EIF3C: variants seen among roughly 807,000 people sequenced by gnomAD.
The protein encoded by EIF3C is eukaryotic translation initiation factor 3 subunit C.
EIF3C carries 2 observed loss-of-function variants against 11.1 expected under a neutral mutation model. That is an observed-to-expected ratio of 0.18 (90% CI 0.07 to 0.57). The LOEUF (loss-of-function observed/expected upper bound fraction) is 0.57. Ranked by LOEUF, EIF3C falls within the 20% of genes least tolerant of loss-of-function variation. The pLI is 0.92. For synonymous variants in EIF3C, 2 were observed against 41.5 expected (o/e 0.05, Z 3.66); for missense variants, 16 against 114.6 (o/e 0.14, Z 3.93).
intron 16 of EIF3C, among the ~76,000 whole-genome samples, chr16:28,733,925 CTG>C (rs998758029): frequency 4.6e-5 from 5 of 109,480 alleles, no homozygotes; most frequent in African/African-American, 1.4e-4. Flanking sequence ...GAGTCTCGCT[CTG>C]TAGCCCAGGC....
chr16:28,723,447 G>A lies in EIF3C; in HGVS notation c.937-1G>A, dbSNP rs1215740237. On this transcript the variant is annotated splice_acceptor_variant, in intron 9 of 20. Transcript: ENST00000331666. LOFTEE classifies it high-confidence loss of function. ...ACATGACGGGATATGTGCTGATACA[G>A]GAGAAGCCAAAAATGTTTGCCAAGG... The A allele has an allele frequency of 6.2e-7, 1 of 1,611,370 alleles. No individual in the cohort carries two copies. Among genetic ancestry groups the A allele is most frequent in the Non-Finnish European group, 8.5e-7 (1 of 1,178,216 alleles).
intron 13 of EIF3C, among the ~76,000 whole-genome samples, chr16:28,725,765 C>CGG (rs1555491085): frequency 0.25 from 5,190 of 20,866 alleles, 21 homozygotes; most frequent in Non-Finnish European, 0.31. Flanking sequence ...GACTCCATCT[C>CGG]AAAAAAAAAA....
rs2048353641 is a variant in EIF3C, at chr16:28,723,145, C to G, written c.777-19C>G. The G allele has an allele frequency of 6.2e-7, 1 of 1,612,180 alleles. No individual in the cohort carries two copies. The highest frequency in any genetic ancestry group is 1.3e-5 in the African/African-American group (1 of 74,408). ...TGGGGAGGGGCTGATCTGTCATCTTCTCCCATGTCTGTCGGCAGGGCACCC... is the reference window on the plus strand; with the variant it reads ...TGGGGAGGGGCTGATCTGTCATCTTGTCCCATGTCTGTCGGCAGGGCACCC... On this transcript the variant is annotated intron_variant, in intron 8 of 20. Transcript: ENST00000331666.
chr16:28,712,757 C>G (rs377247126), intron 2 of EIF3C, among the ~76,000 whole-genome samples: 991 of 150,240 alleles, frequency 6.6e-3, no homozygotes, highest in Non-Finnish European at 0.012. Context: ...CCGGTAATCC[C>G]AGCACTTTGG....
At chr16:28,728,473 GGT>G (rs2048404270) in intron 15 of EIF3C, among the ~76,000 whole-genome samples, 3 of 74,768 alleles carry the variant, frequency 4.0e-5, no homozygotes, top group Non-Finnish European at 9.7e-5. Flanking sequence ...ATCTTTTAGG[GGT>G]TGTGTGTGTA....
In EIF3C at chr16:28,697,901, G is replaced by A. The variant is rs1283849237; in HGVS notation, c.-31+9073G>A. 6.4e-5 allele frequency among the ~76,000 whole-genome samples: 6 copies of A among 93,202 alleles called. No homozygotes were observed. The South Asian group carries it at 2.9e-3, about 46-fold the overall frequency. The allele number at this position is 93,202 out of a possible 152,430, so 61.1% of individuals were successfully genotyped here. ...CCCCAACCTCCCTCCCGGACGGGGC[G>A]GCTGGCCGGGCAGAGGGGCTCCTCA... On this transcript the variant is annotated intron_variant, in intron 1 of 20. Coordinates refer to the EIF3C transcript ENST00000566501.
chr16:28,698,605 T>G (rs1480566332), intron 1 of EIF3C, among the ~76,000 whole-genome samples: 8 of 88,996 alleles, frequency 9.0e-5, no homozygotes, highest in South Asian at 6.7e-4. Context: ...ATGGGGTGGC[T>G]GCCGGGCGGA....
chr16:28,697,900 C>T (rs1238052998), intron 1 of EIF3C, among the ~76,000 whole-genome samples: 13 of 78,898 alleles, frequency 1.6e-4, no homozygotes, highest in African/African-American at 4.9e-4. Context: ...CCGGACGGGG[C>T]GGCTGGCCGG....
intron 1 of EIF3C, among the ~76,000 whole-genome samples, chr16:28,698,184 A>T (rs1596703458): frequency 1.2e-5 from 1 of 83,958 alleles, no homozygotes; most frequent in Non-Finnish European, 2.3e-5. Flanking sequence ...GGGGCTCCTC[A>T]CTTCCCAGTA....
intron 1 of EIF3C, among the ~76,000 whole-genome samples, chr16:28,699,435 A>T (rs1303478941): frequency 3.0e-5 from 3 of 100,234 alleles, no homozygotes; most frequent in Admixed American, 9.2e-5. Flanking sequence ...TCGGCTCCGC[A>T]TGAGAGGGAG....
intron 1 of EIF3C, among the ~76,000 whole-genome samples, chr16:28,704,520 GC>G (rs201692566): frequency 0.047 from 3,864 of 82,806 alleles, 537 homozygotes; most frequent in African/African-American, 0.27. Context: ...ACATAGTGAG[GC>G]CCCCCCCGTC....
At position 28,698,422 on chromosome 16, in the gene EIF3C, A is replaced by G. The variant is rs1437709689; in HGVS notation, c.-31+9594A>G. Among the ~76,000 whole-genome samples, 9 of 72,352 alleles carry G rather than the reference A, an allele frequency of 1.2e-4. 2 individuals are homozygous for G. The highest frequency in any genetic ancestry group is 9.4e-4 in the African/African-American group (9 of 9,592). 47.5% of individuals were successfully genotyped at this position (72,352 alleles called of 152,430 possible). On this transcript the variant is annotated intron_variant, in intron 1 of 20. Transcript: ENST00000566501. The stretch of plus-strand genomic sequence containing the variant: ...TCCCTCCCGGACGGCATGGCTGGCC[A>G]GGCGGGGGGCTGACCCCCCCACCTC...
chr16:28,698,004 C>A lies in EIF3C; in HGVS notation c.-31+9176C>A, dbSNP rs868655356. On this transcript the variant is annotated intron_variant, in intron 1 of 20. Coordinates refer to the EIF3C transcript ENST00000566501. The stretch of plus-strand genomic sequence containing the variant: ...GGCTGGCCGGGCGGGGGGGCTGACC[C>A]CCCCCACCTCCCTCCCGGACGGGGC... Among the ~76,000 whole-genome samples the A allele has an allele frequency of 3.7e-4, 19 of 51,794 alleles. 2 individuals are homozygous for A. The Middle Eastern group carries it at 0.052, about 141-fold the overall frequency. The allele number at this position is 51,794 out of a possible 152,430, so 34.0% of individuals were successfully genotyped here.
chr16:28,697,195 T>TA (rs1555490007), intron 1 of EIF3C, among the ~76,000 whole-genome samples: 1 of 32,660 alleles, frequency 3.1e-5, no homozygotes, highest in Non-Finnish European at 5.1e-5. Context: ...TTTTTTTTTT[T>TA]AATTTATTTT....
In EIF3C at chr16:28,697,739, G is replaced by A. The variant is rs1387567094; in HGVS notation, c.-31+8911G>A. On this transcript the variant is annotated intron_variant, in intron 1 of 20. Coordinates refer to the EIF3C transcript ENST00000566501. ...CAGACGGGGTGGTGGCCGGTCAGAG[G>A]GGCTCCTCACTTCCCAGTAGGGGTG... is the stretch of plus-strand genomic sequence containing the variant. Among the ~76,000 whole-genome samples the A allele has an allele frequency of 1.2e-4, 11 of 92,548 alleles. 2 individuals are homozygous for A. Among genetic ancestry groups the A allele is most frequent in the Admixed American group, 1.8e-4 (2 of 10,920 alleles). 60.7% of individuals were successfully genotyped at this position (92,548 alleles called of 152,430 possible). A position where few individuals can be genotyped will look rare whatever the true frequency, so the allele number is the denominator to read the frequency against.
intron 1 of EIF3C, among the ~76,000 whole-genome samples, chr16:28,689,150 C>G (rs1397861063): frequency 2.4e-5 from 1 of 42,278 alleles, no homozygotes; most frequent in Non-Finnish European, 4.0e-5. Context: ...ACCTCTTGAT[C>G]TGCCTGCCTC....
Position 28,730,488 on chromosome 16 carries a change from G to A in EIF3C, c.1819-1341G>A, listed in dbSNP as rs201910638. Among the ~76,000 whole-genome samples, 10 of 150,206 alleles carry A rather than the reference G, an allele frequency of 6.7e-5. No homozygotes were observed. In the East Asian group the frequency reaches 1.9e-3, roughly 29 times the overall value. ...GACTGGTATTGATCTCCACATTTTTGTTGTTATGACTACACTTAGCCTTTT... is the reference window on the plus strand; with the variant it reads ...GACTGGTATTGATCTCCACATTTTTATTGTTATGACTACACTTAGCCTTTT... On this transcript the variant is annotated intron_variant, in intron 15 of 20. Transcript: ENST00000331666.
At chr16:28,729,943 A>G (rs1452225042) in intron 15 of EIF3C, among the ~76,000 whole-genome samples, 2 of 150,568 alleles carry the variant, frequency 1.3e-5, no homozygotes, top group Non-Finnish European at 3.0e-5. Flanking sequence ...TGGGCAACAG[A>G]GCAAGACTGT....
intron 15 of EIF3C, among the ~76,000 whole-genome samples, chr16:28,730,090 G>A (rs1195141433): frequency 4.8e-5 from 7 of 145,842 alleles, no homozygotes; most frequent in South Asian, 2.3e-4. Flanking sequence ...GTGCAGTGGC[G>A]CGATCTCGGC....
Sources: allele counts gnomAD v4.1 joint callset (sites outside exome capture counted in the v4.1 genomes callset), GRCh38; gene constraint gnomAD v4.1.1; transcripts MANE v1.5; gene names NCBI Gene and HGNC (gene_info 2026-07-23, HGNC 2026-07-21).